KCNQ1OT1: variants seen among roughly 807,000 people sequenced by gnomAD.
KCNQ1OT1 encodes the protein KCNQ1 opposite strand/antisense transcript 1.
exon 1 of KCNQ1OT1, chr11:2,696,371 T>TA (rs1850676667): frequency 1.0e-5 from 4 of 398,568 alleles, no homozygotes; most frequent in Non-Finnish European, 1.8e-5. Flanking sequence ...TCCCCACTGA[T>TA]ATGTGGTGCC....
chr11:2,614,096 G>A (rs1367973218), exon 1 of KCNQ1OT1: 6 of 398,320 alleles, frequency 1.5e-5, no homozygotes, highest in African/African-American at 1.0e-4. Flanking sequence ...TTTCTAGATG[G>A]CAGCTATGCT....
Position 2,683,011 on chromosome 11 carries a change from T to C in KCNQ1OT1, n.16984A>G. 1 of 398,636 alleles carries C rather than the reference T, an allele frequency of 2.5e-6. No individual in the cohort carries two copies. The highest frequency in any genetic ancestry group is 4.4e-6 in the Non-Finnish European group (1 of 226,088). 24.7% of individuals were successfully genotyped at this position (398,636 alleles called of 1,614,324 possible). On this transcript the variant is annotated non_coding_transcript_exon_variant, in exon 1 of 1. Transcript: ENST00000597346. This position sits in a 1 kb window ranked among gnomAD's most constrained non-coding sequence, Gnocchi z 4.7. ...TCTCCCTTGTGCTGTGCAGCCTTAG[T>C]TCTGCCTCCTGAGAGAGGTGACCTT... is the stretch of plus-strand genomic sequence containing the variant.
chr11:2,627,682 G>C lies in KCNQ1OT1; in HGVS notation n.72313C>G. 1.8e-5 allele frequency: 7 copies of C among 398,472 alleles called. No individual in the cohort carries two copies. Among genetic ancestry groups the C allele is most frequent in the Non-Finnish European group, 2.7e-5 (6 of 226,032 alleles). The allele number at this position is 398,472 out of a possible 1,614,324, so 24.7% of individuals were successfully genotyped here. A position where few individuals can be genotyped will look rare whatever the true frequency, so the allele number is the denominator to read the frequency against. ...ATTGTGTGTGTGTATATATGTGTGTGTGTGTGTCTGTATGTATATGTATGT... is the reference window on the plus strand; with the variant it reads ...ATTGTGTGTGTGTATATATGTGTGTCTGTGTGTCTGTATGTATATGTATGT... On this transcript the variant is annotated non_coding_transcript_exon_variant, in exon 1 of 1. Transcript: ENST00000597346. The surrounding 1 kb of genome is among the most constrained non-coding windows in gnomAD (Gnocchi z 4.9).
At position 2,620,109 on chromosome 11, in the gene KCNQ1OT1, G is replaced by C. The variant is rs957340116; in HGVS notation, n.79886C>G. The C allele has an allele frequency of 2.5e-6, 1 of 398,004 alleles. No individual in the cohort carries two copies. The highest frequency in any genetic ancestry group is 4.4e-6 in the Non-Finnish European group (1 of 226,006). The allele number at this position is 398,004 out of a possible 1,614,324, so 24.7% of individuals were successfully genotyped here. A position where few individuals can be genotyped will look rare whatever the true frequency, so the allele number is the denominator to read the frequency against. On this transcript the variant is annotated non_coding_transcript_exon_variant, in exon 1 of 1. Coordinates refer to ENST00000597346, the Ensembl canonical transcript of KCNQ1OT1. The surrounding 1 kb of genome is among the most constrained non-coding windows in gnomAD (Gnocchi z 4.5). ...TCCCACTTGCAAGTGGTAACATGCA[G>C]TATTTGGTTTTCTGTTCCTGCATTA...
Position 2,668,815 on chromosome 11 carries a change from T to C in KCNQ1OT1, n.31180A>G, listed in dbSNP as rs565493780. 1.0e-5 allele frequency: 4 copies of C among 398,638 alleles called. No individual in the cohort carries two copies. The Admixed American group carries it at 1.8e-4, about 18-fold the overall frequency. The allele number at this position is 398,638 out of a possible 1,614,324, so 24.7% of individuals were successfully genotyped here. On this transcript the variant is annotated non_coding_transcript_exon_variant, in exon 1 of 1. Coordinates refer to ENST00000597346, the Ensembl canonical transcript of KCNQ1OT1. This position sits in a 1 kb window ranked among gnomAD's most constrained non-coding sequence, Gnocchi z 4.3. Reference sequence around the variant, plus strand: ...AGGTCTTAATTTTCATGTGGTCCAGTTAATCAAACATTTCCTCTCTGGATA... The same window carrying C: ...AGGTCTTAATTTTCATGTGGTCCAGCTAATCAAACATTTCCTCTCTGGATA...
chr11:2,643,118 G>A (rs1049063129), exon 1 of KCNQ1OT1: 2 of 398,060 alleles, frequency 5.0e-6, no homozygotes, highest in East Asian at 7.1e-5. Flanking sequence ...GTACTGATGA[G>A]AAGAGTGTAT....
rs911508170 is a variant in KCNQ1OT1 at position 2,683,115 on chromosome 11, G to T, written n.16880C>A. 1.4e-5 allele frequency: 5 copies of T among 354,678 alleles called. No individual in the cohort carries two copies. In the East Asian group the frequency reaches 2.0e-4, roughly 15 times the overall value. The allele number at this position is 354,678 out of a possible 1,614,324, so 22.0% of individuals were successfully genotyped here. A position where few individuals can be genotyped will look rare whatever the true frequency, so the allele number is the denominator to read the frequency against. The stretch of plus-strand genomic sequence containing the variant: ...GATTTTCTTGTTCCCAGGATATATC[G>T]CACCAACTCAGGAGGGTGTGGGGAT... On this transcript the variant is annotated non_coding_transcript_exon_variant, in exon 1 of 1. Coordinates refer to ENST00000597346, the Ensembl canonical transcript of KCNQ1OT1. The surrounding 1 kb of genome is among the most constrained non-coding windows in gnomAD (Gnocchi z 4.7).
At chr11:2,684,544 T>C (rs1850452198) in exon 1 of KCNQ1OT1, 2 of 398,500 alleles carry the variant, frequency 5.0e-6, no homozygotes, top group Non-Finnish European at 8.8e-6. Context: ...ATATATTTGA[T>C]GCTTTCTCCA....
chr11:2,643,227 C>T, exon 1 of KCNQ1OT1: 1 of 398,152 alleles, frequency 2.5e-6, no homozygotes, highest in Admixed American at 4.4e-5. Flanking sequence ...AATTTTTTGT[C>T]TAGATGATCT....
In KCNQ1OT1 at chr11:2,657,698, A is replaced by G. The variant is rs1023917584; in HGVS notation, n.42297T>C. On this transcript the variant is annotated non_coding_transcript_exon_variant, in exon 1 of 1. Transcript: ENST00000597346. This position sits in a 1 kb window ranked among gnomAD's most constrained non-coding sequence, Gnocchi z 4.8. The stretch of plus-strand genomic sequence containing the variant: ...TGTCCTTTTTCTGTTCCAAGATCCC[A>G]TCTAGGATCGATCATTACATTTATT... 2.5e-6 allele frequency: 1 copy of G among 398,596 alleles called. No homozygotes were observed. 24.7% of individuals were successfully genotyped at this position (398,596 alleles called of 1,614,324 possible).
chr11:2,699,681 A>AGAACCCCCGGGGAGAACCGCGCCGAT (rs1186679424), exon 1 of KCNQ1OT1: 1 of 341,940 alleles, frequency 2.9e-6, no homozygotes, highest in Non-Finnish European at 5.1e-6. Context: ...ACCGCGCCGA[A>AGAACCCCCGGGGAGAACCGCGCCGAT]AAGCCCCGGG....
exon 1 of KCNQ1OT1, chr11:2,662,039 T>C: frequency 6.2e-7 from 1 of 1,614,200 alleles, no homozygotes; most frequent in Non-Finnish European, 8.5e-7. Context: ...GACCTGGACC[T>C]GGAAGGGGAG....
At chr11:2,630,594 ATACTAGAGT>A (rs1849337164) in exon 1 of KCNQ1OT1, 8 of 398,314 alleles carry the variant, frequency 2.0e-5, no homozygotes, top group African/African-American at 1.2e-4. Flanking sequence ...TTTAACCTTT[ATACTAGAGT>A]TATGTGATTT....
exon 1 of KCNQ1OT1, chr11:2,614,094 T>C (rs1849022355): frequency 5.0e-6 from 2 of 398,454 alleles, no homozygotes; most frequent in Non-Finnish European, 8.8e-6. Context: ...GGTTTCTAGA[T>C]GGCAGCTATG....
rs1850510717 is a variant in KCNQ1OT1, at chr11:2,687,493, C to T, written n.12502G>A. On this transcript the variant is annotated non_coding_transcript_exon_variant, in exon 1 of 1. Coordinates refer to ENST00000597346, the Ensembl canonical transcript of KCNQ1OT1. The surrounding 1 kb of genome is among the most constrained non-coding windows in gnomAD (Gnocchi z 5.0). ...AGCATTTCAATAGGGCCATCCCAGG[C>T]ACCCTAGGACTTGAGACCAGCCTCC... 5.0e-6 allele frequency: 2 copies of T among 398,714 alleles called. No individual in the cohort carries two copies. The highest frequency in any genetic ancestry group is 7.1e-5 in the East Asian group (2 of 28,056). 24.7% of individuals were successfully genotyped at this position (398,714 alleles called of 1,614,324 possible). A position where few individuals can be genotyped will look rare whatever the true frequency, so the allele number is the denominator to read the frequency against.
In KCNQ1OT1 at chr11:2,654,865, G is replaced by A. The variant is rs1849815701; in HGVS notation, n.45130C>T. 1.8e-5 allele frequency: 7 copies of A among 398,534 alleles called. No homozygotes were observed. Among genetic ancestry groups the A allele is most frequent in the East Asian group, 3.6e-5 (1 of 28,084 alleles). 24.7% of individuals were successfully genotyped at this position (398,534 alleles called of 1,614,324 possible). A position where few individuals can be genotyped will look rare whatever the true frequency, so the allele number is the denominator to read the frequency against. Reference sequence around the variant, plus strand: ...CATGGGCAGCTCCAGGCCAGGTGGAGGGACATATTCTGGCAACTCTAGGAT... The same window carrying A: ...CATGGGCAGCTCCAGGCCAGGTGGAAGGACATATTCTGGCAACTCTAGGAT... On this transcript the variant is annotated non_coding_transcript_exon_variant, in exon 1 of 1. Transcript: ENST00000597346. This position sits in a 1 kb window ranked among gnomAD's most constrained non-coding sequence, Gnocchi z 6.4.
rs576600168 is a variant in KCNQ1OT1 at position 2,654,920 on chromosome 11, A to G, written n.45075T>C. ...TGTGCAAGGTCGTGGGCCAGAGAGCAAGGCACAGATACAGGAGACTTCCAC... is the reference window on the plus strand; with the variant it reads ...TGTGCAAGGTCGTGGGCCAGAGAGCGAGGCACAGATACAGGAGACTTCCAC... On this transcript the variant is annotated non_coding_transcript_exon_variant, in exon 1 of 1. Coordinates refer to ENST00000597346, the Ensembl canonical transcript of KCNQ1OT1. The surrounding 1 kb of genome is among the most constrained non-coding windows in gnomAD (Gnocchi z 6.4). The G allele has an allele frequency of 5.0e-6, 2 of 398,644 alleles. No individual in the cohort carries two copies. The highest frequency in any genetic ancestry group is 4.1e-5 in the African/African-American group (2 of 48,722). The allele number at this position is 398,644 out of a possible 1,614,324, so 24.7% of individuals were successfully genotyped here.
chr11:2,630,813 T>C (rs193299413), exon 1 of KCNQ1OT1: 4 of 398,484 alleles, frequency 1.0e-5, no homozygotes, highest in African/African-American at 6.2e-5. Flanking sequence ...GAGGAAGTCT[T>C]GTATCTGTTT....
exon 1 of KCNQ1OT1, chr11:2,667,484 G>C (rs1446792387): frequency 5.1e-6 from 2 of 395,894 alleles, no homozygotes; most frequent in South Asian, 1.3e-4. Flanking sequence ...ATGTGACAGA[G>C]AGAACATTCA....
Sources: allele counts gnomAD v4.1 joint callset, GRCh38; gene constraint gnomAD v4.1.1; non-coding constraint Gnocchi (gnomAD v3.1); transcripts MANE v1.5; gene names NCBI Gene and HGNC (gene_info 2026-07-23, HGNC 2026-07-21).